The following TRAPPC6B variants were observed in gnomAD, a reference collection of about 807,000 sequenced individuals.
TRAPPC6B encodes the protein TRAPP complex subunit 6B.
A neutral mutation model predicts 24.7 loss-of-function variants in TRAPPC6B; 27 were observed. The observed-to-expected ratio is 1.09, with a 90% CI of 0.81 to 1.51. The LOEUF is 1.51. TRAPPC6B is among the 40% of genes most tolerant of loss of function. TRAPPC6B has a pLI of 0.00. For synonymous variants in TRAPPC6B, 80 were observed against 66.6 expected (o/e 1.20, Z -0.98); for missense variants, 212 against 190.8 (o/e 1.11, Z -0.66).
At chr14:39,154,553 G>A (rs930643114) in intron 3 of TRAPPC6B, among the ~76,000 whole-genome samples, 1 of 152,034 alleles carries the variant, frequency 6.6e-6, no homozygotes, top group Non-Finnish European at 1.5e-5. Flanking sequence ...CCAAGTAGCT[G>A]GGACTACAGG....
chr14:39,160,569 T>G (rs896358240), intron 1 of TRAPPC6B, among the ~76,000 whole-genome samples: 1 of 119,504 alleles, frequency 8.4e-6, no homozygotes, highest in Non-Finnish European at 1.6e-5. Flanking sequence ...AGGGACCCCA[T>G]GAAAGAAAGA....
At chr14:39,152,881 A>G (rs1248837609) in intron 4 of TRAPPC6B, among the ~76,000 whole-genome samples, 2 of 152,242 alleles carry the variant, frequency 1.3e-5, no homozygotes, top group African/African-American at 4.8e-5. Flanking sequence ...AAGTTAGTAA[A>G]AAAGAGAAAA....
chr14:39,165,195 G>A (rs2053096054), intron 1 of TRAPPC6B, among the ~76,000 whole-genome samples: 1 of 151,858 alleles, frequency 6.6e-6, no homozygotes, highest in Non-Finnish European at 1.5e-5. Flanking sequence ...ACAGGCGACC[G>A]CCACCACGCC....
At chr14:39,166,623 G>A (rs538745055) in intron 1 of TRAPPC6B, among the ~76,000 whole-genome samples, 85 of 151,136 alleles carry the variant, frequency 5.6e-4, no homozygotes, top group African/African-American at 1.8e-3. Flanking sequence ...AGGCTTATGA[G>A]AGGGGTCTGA....
At chr14:39,160,712 T>C (rs922000321) in intron 1 of TRAPPC6B, among the ~76,000 whole-genome samples, 5 of 152,130 alleles carry the variant, frequency 3.3e-5, no homozygotes, top group African/African-American at 1.2e-4. Context: ...CACTATTGTT[T>C]TCTCTTAGAA....
At chr14:39,166,098 A>G (rs538434355) in intron 1 of TRAPPC6B, among the ~76,000 whole-genome samples, 18 of 150,164 alleles carry the variant, frequency 1.2e-4, no homozygotes, top group South Asian at 4.2e-4. Flanking sequence ...CACCGTGTCC[A>G]GCCTCTTTTT....
In TRAPPC6B at chr14:39,151,757, G is replaced by A. The variant is rs765041316; in HGVS notation, c.434C>T (p.Ser145Leu). The A allele has an allele frequency of 6.3e-7, 1 of 1,592,112 alleles. No homozygotes were observed. Among genetic ancestry groups the A allele is most frequent in the Non-Finnish European group, 8.5e-7 (1 of 1,172,128 alleles). The change falls in exon 5 of 6, where the codon TCA (serine) becomes TTA (leucine). Residue 145 changes from serine (S) to leucine (L), a missense_variant. Physicochemically the swap from Ser to Leu is moderately radical, Grantham distance 145. Transcript: ENST00000330149. ...IKSIVTAEVS[S>L]MPACKFQVMI... ...CGAATTCAACTTACAAGCAGGCATT[G>A]AAGACACTTCAGCTGTTACAATACT...
chr14:39,156,981 A>G (rs966883936), intron 3 of TRAPPC6B, among the ~76,000 whole-genome samples: 2 of 152,028 alleles, frequency 1.3e-5, no homozygotes, highest in Non-Finnish European at 2.9e-5. Flanking sequence ...GTGGTGGCAC[A>G]TGCCTGTAGT....
intron 1 of TRAPPC6B, among the ~76,000 whole-genome samples, chr14:39,164,724 C>T (rs112966045): frequency 0.081 from 12,253 of 152,130 alleles, 530 homozygotes; most frequent in African/African-American, 0.12. Flanking sequence ...ATAGTCCCAG[C>T]TACTTGGGAG....
chr14:39,170,189 G>A lies in TRAPPC6B; in HGVS notation c.-94C>T. 8.4e-7 allele frequency: 1 copy of A among 1,187,632 alleles called. No homozygotes were observed. Among genetic ancestry groups the A allele is most frequent in the Middle Eastern group, 1.9e-4 (1 of 5,132 alleles). 73.6% of individuals were successfully genotyped at this position (1,187,632 alleles called of 1,614,324 possible). On this transcript the variant is annotated 5_prime_UTR_variant, in exon 1 of 6. Transcript: ENST00000330149. ...GCCTCAGCGACTTCGCCGGCGCCGC[G>A]GCTCCGTCAGGCCGCCATTCTATCC...
At chr14:39,167,484 T>C (rs1249205536) in intron 1 of TRAPPC6B, among the ~76,000 whole-genome samples, 2 of 152,088 alleles carry the variant, frequency 1.3e-5, no homozygotes, top group African/African-American at 4.8e-5. Context: ...AACAACATAG[T>C]TTTTACAGAT....
At chr14:39,160,404 C>T (rs571438700) in intron 1 of TRAPPC6B, among the ~76,000 whole-genome samples, 2 of 151,980 alleles carry the variant, frequency 1.3e-5, no homozygotes, top group South Asian at 2.1e-4. Flanking sequence ...ATAGCAAGAC[C>T]ACATCTGTAC....
chr14:39,159,432 C>T lies in TRAPPC6B; in HGVS notation c.149+51G>A, dbSNP rs77931597. On this transcript the variant is annotated intron_variant, in intron 2 of 5. Coordinates refer to ENST00000330149, the MANE Select transcript of TRAPPC6B (RefSeq NM_001079537.2). ...TTATGCAATCTTTTGAAATAGATCA[C>T]CTTTGTTTATAACCTACCTGCAAGA... 8,100 of 1,281,668 alleles carry T rather than the reference C, an allele frequency of 6.3e-3. 363 individuals carry two copies. The African/African-American group carries it at 0.1, about 16-fold the overall frequency. The allele number at this position is 1,281,668 out of a possible 1,614,324, so 79.4% of individuals were successfully genotyped here.
Position 39,165,219 on chromosome 14 carries a change from G to A in TRAPPC6B, c.81+4796C>T, listed in dbSNP as rs1197023399. ...CGCCACCACGCCCGGCTAATTTTTTGTATTTTTAGTAGAGATGGGGTTTCA... is the reference window on the plus strand; with the variant it reads ...CGCCACCACGCCCGGCTAATTTTTTATATTTTTAGTAGAGATGGGGTTTCA... On this transcript the variant is annotated intron_variant, in intron 1 of 5. Coordinates refer to ENST00000330149, the MANE Select transcript of TRAPPC6B (RefSeq NM_001079537.2). Among the ~76,000 whole-genome samples, 7 of 151,960 alleles carry A rather than the reference G, an allele frequency of 4.6e-5. No individual in the cohort carries two copies. In the East Asian group the frequency reaches 1.2e-3, roughly 25 times the overall value.
intron 3 of TRAPPC6B, chr14:39,157,985 T>C (rs1186089590): frequency 4.2e-6 from 1 of 235,436 alleles, no homozygotes; most frequent in Non-Finnish European, 8.1e-6. Context: ...TTATTACCAC[T>C]AATTAACAGT....
At position 39,170,164 on chromosome 14, in the gene TRAPPC6B, G is replaced by C; in HGVS notation, c.-69C>G. The C allele has an allele frequency of 1.3e-6, 2 of 1,524,030 alleles. No homozygotes were observed. The highest frequency in any genetic ancestry group is 1.8e-6 in the Non-Finnish European group (2 of 1,109,218). 94.4% of individuals were successfully genotyped at this position (1,524,030 alleles called of 1,614,324 possible). On this transcript the variant is annotated 5_prime_UTR_variant, in exon 1 of 6. Coordinates refer to ENST00000330149, the MANE Select transcript of TRAPPC6B (RefSeq NM_001079537.2). ...AGCTGGTCTGGGGGTTCCAGCTCGC[G>C]CCTCAGCGACTTCGCCGGCGCCGCG...
chr14:39,154,963 T>C (rs771734616), intron 3 of TRAPPC6B, among the ~76,000 whole-genome samples: 247 of 152,308 alleles, frequency 1.6e-3, no homozygotes, highest in Non-Finnish European at 3.0e-3. Flanking sequence ...GCTCTCACTC[T>C]GTTGTCTAGG....
At chr14:39,157,206 G>A (rs559598818) in intron 3 of TRAPPC6B, 1 of 337,916 alleles carries the variant, frequency 3.0e-6, no homozygotes, top group African/African-American at 2.2e-5. Flanking sequence ...CACCCAATAT[G>A]GACCTCACTC....
In TRAPPC6B at chr14:39,148,468, G is replaced by A. The variant is rs758932162; in HGVS notation, c.*1882C>T. 47 of 389,366 alleles carry A rather than the reference G, an allele frequency of 1.2e-4. No individual in the cohort carries two copies. Among genetic ancestry groups the A allele is most frequent in the Non-Finnish European group, 2.1e-4 (46 of 220,638 alleles). The allele number at this position is 389,366 out of a possible 1,614,324, so 24.1% of individuals were successfully genotyped here. A position where few individuals can be genotyped will look rare whatever the true frequency, so the allele number is the denominator to read the frequency against. On this transcript the variant is annotated 3_prime_UTR_variant, in exon 6 of 6. Transcript: ENST00000330149. ...CCAAAAAAAAAGAAAAAAAAAATGG[G>A]GCTTTGTCAGCAAGGAAGGGAGAAC...
Sources: gnomAD v4.1 joint callset for allele counts (sites outside exome capture counted in the v4.1 genomes callset) on GRCh38, gnomAD v4.1.1 for gene constraint, MANE v1.5 for transcripts, NCBI Gene and HGNC (gene_info 2026-07-23, HGNC 2026-07-21) for gene names.